Variants in TP53I13 observed in about 807,000 individuals in gnomAD.
The protein encoded by TP53I13 is tumor protein p53-inducible protein 13.
In TP53I13, 27 loss-of-function variants were observed where a neutral mutation model predicts 39.1. That is an observed-to-expected ratio of 0.69 (90% CI 0.51 to 0.95). The LOEUF (loss-of-function observed/expected upper bound fraction) is 0.95. TP53I13 is among the 40% of genes least tolerant of loss of function. TP53I13 has a pLI of 0.00. For synonymous variants in TP53I13, 230 were observed against 224.6 expected, an observed-to-expected ratio of 1.02 and a Z score of -0.22; for missense variants, 544 against 520.4, an observed-to-expected ratio of 1.05 and a Z score of -0.44.
chr17:29,575,210 A>C (rs2033146926), downstream of TP53I13: 1 of 1,542,330 alleles, frequency 6.5e-7, no homozygotes, highest in Admixed American at 1.8e-5. The surrounding 1 kb of genome is among the most constrained non-coding windows in gnomAD (Gnocchi z 5.5). Flanking sequence ...AGCAGAACCC[A>C]GGGCCCCTCA....
chr17:29,581,176 T>G, the TP53I13 span: 1 of 648,430 alleles, frequency 1.5e-6, no homozygotes, highest in Admixed American at 2.4e-5. The surrounding 1 kb of genome is among the most constrained non-coding windows in gnomAD (Gnocchi z 4.8). Flanking sequence ...TTTACCTGCC[T>G]TGGGGCCCAG....
At position 29,568,955 on chromosome 17, in the gene TP53I13, G is replaced by A; in HGVS notation, c.73-63G>A. The A allele has an allele frequency of 6.3e-7, 1 of 1,592,232 alleles. No homozygotes were observed. Among genetic ancestry groups the A allele is most frequent in the East Asian group, 2.3e-5 (1 of 44,184 alleles). ...GTTCTTCCGCTGGCGGGCTGGGCCT[G>A]GGGAGAGAGAGGGCAGGGCCTCGCC... On this transcript the variant is annotated intron_variant, in intron 1 of 6. Coordinates refer to ENST00000301057, the MANE Select transcript of TP53I13 (RefSeq NM_138349.4). This position sits in a 1 kb window ranked among gnomAD's most constrained non-coding sequence, Gnocchi z 4.5.
Position 29,572,971 on chromosome 17 carries a change from G to A in TP53I13, c.*47G>A, listed in dbSNP as rs2033023886. The A allele has an allele frequency of 7.4e-7, 1 of 1,348,814 alleles. No homozygotes were observed. Among genetic ancestry groups the A allele is most frequent in the African/African-American group, 1.5e-5 (1 of 64,930 alleles). 83.6% of individuals were successfully genotyped at this position (1,348,814 alleles called of 1,614,324 possible). A position where few individuals can be genotyped will look rare whatever the true frequency, so the allele number is the denominator to read the frequency against. On this transcript the variant is annotated 3_prime_UTR_variant, in exon 7 of 7. Transcript: ENST00000301057. ...GGCGTGCGGCTCCTCCCCGCGCCGCGAGGCCGCGACCTCTGCCACGTGGAC... is the reference window on the plus strand; with the variant it reads ...GGCGTGCGGCTCCTCCCCGCGCCGCAAGGCCGCGACCTCTGCCACGTGGAC...
upstream of TP53I13, chr17:29,567,066 C>T (rs572702582): frequency 1.9e-6 from 2 of 1,058,072 alleles, no homozygotes; most frequent in Non-Finnish European, 2.3e-6. This position sits in a 1 kb window ranked among gnomAD's most constrained non-coding sequence, Gnocchi z 6.6. Flanking sequence ...GGCGGCTGCC[C>T]AGGGCCCTCC....
At chr17:29,574,787 G>A, downstream of TP53I13, 3 of 1,613,016 alleles carry the variant, frequency 1.9e-6, no homozygotes, top group Non-Finnish European at 2.5e-6. Flanking sequence ...CACCTGCTGA[G>A]TCAGCAGCTG....
At chr17:29,566,857 G>T (rs1304733778), upstream of TP53I13, 25 of 1,509,756 alleles carry the variant, frequency 1.7e-5, no homozygotes, top group African/African-American at 2.9e-5. Flanking sequence ...CCCCGGCAGG[G>T]TCCTCTCTCC....
chr17:29,576,781 G>A (rs2033220941), downstream of TP53I13: 4 of 1,576,390 alleles, frequency 2.5e-6, no homozygotes, highest in East Asian at 2.3e-5. Context: ...TCAGGCCCCT[G>A]GGCTACAAGA....
At chr17:29,576,780 TG>T, downstream of TP53I13, 1 of 1,577,464 alleles carries the variant, frequency 6.3e-7, no homozygotes, top group Admixed American at 1.8e-5. Context: ...CTCAGGCCCC[TG>T]GGCTACAAGA....
At chr17:29,569,443 G>C (rs1191058297) in intron 3 of TP53I13, 84 bp downstream of exon 3, 2 of 1,374,246 alleles carry the variant, frequency 1.5e-6, no homozygotes, top group Non-Finnish European at 1.0e-6. Flanking sequence ...CTGTTCTGCT[G>C]ATCGGCCCCA....
chr17:29,577,205 T>G, downstream of TP53I13: 1 of 1,613,922 alleles, frequency 6.2e-7, no homozygotes, highest in East Asian at 2.2e-5. Flanking sequence ...ATGATCAAGG[T>G]GGCAAACTCT....
At chr17:29,572,111 G>C (rs781191186) in intron 5 of TP53I13, 31 bp from the exon 6 acceptor site, 2 of 1,610,672 alleles carry the variant, frequency 1.2e-6, no homozygotes, top group South Asian at 2.2e-5. Flanking sequence ...GAGAGGGGCA[G>C]CAGGGTGATT....
Position 29,572,713 on chromosome 17 carries a change from C to T in TP53I13, c.1069+16C>T. On this transcript the variant is annotated intron_variant, in intron 6 of 6. Transcript: ENST00000301057. ...ACAGTGGCTGGTGAGGAGTTCCCTC[C>T]CTACCCTACCCGAGGCCCCCGCCCC... 1.3e-6 allele frequency: 2 copies of T among 1,514,296 alleles called. No homozygotes were observed. The highest frequency in any genetic ancestry group is 1.8e-6 in the Non-Finnish European group (2 of 1,128,188). 93.8% of individuals were successfully genotyped at this position (1,514,296 alleles called of 1,614,324 possible).
At position 29,571,649 on chromosome 17, in the gene TP53I13, T is replaced by G; in HGVS notation, c.242T>G (p.Leu81Arg). The G allele has an allele frequency of 6.2e-7, 1 of 1,614,178 alleles. No individual in the cohort carries two copies. Among genetic ancestry groups the G allele is most frequent in the Non-Finnish European group, 8.5e-7 (1 of 1,180,024 alleles). ...GCCCATCCCTGGCTGAAGCTCCAGCTTGCCCTCCTGGCCTATGCTTGTATG... is the reference window on the plus strand; with the variant it reads ...GCCCATCCCTGGCTGAAGCTCCAGCGTGCCCTCCTGGCCTATGCTTGTATG... ...PCAHPWLKLQLALLAYACMAN... is the reference protein window; with the variant it reads ...PCAHPWLKLQRALLAYACMAN... The change falls in exon 4 of 7, where the codon CTT becomes CGT. Residue 81 changes from leucine (L) to arginine (R), a missense_variant. Coordinates refer to ENST00000301057, the MANE Select transcript of TP53I13 (RefSeq NM_138349.4).
chr17:29,578,420 T>G, the TP53I13 span: 1 of 1,541,630 alleles, frequency 6.5e-7, no homozygotes. Context: ...CGGCTCCCAG[T>G]GCCAAGGCCA....
At chr17:29,578,785 G>C in the TP53I13 span, 1 of 1,613,740 alleles carries the variant, frequency 6.2e-7, no homozygotes, top group Non-Finnish European at 8.5e-7. Flanking sequence ...CAAGGCTGAG[G>C]GCAGAGGGAG....
In TP53I13 at chr17:29,572,092, G is replaced by T. The variant is rs201515753; in HGVS notation, c.513+35G>T. On this transcript the variant is annotated intron_variant, in intron 5 of 6. Coordinates refer to ENST00000301057, the MANE Select transcript of TP53I13 (RefSeq NM_138349.4). The stretch of plus-strand genomic sequence containing the variant: ...GCTGGGCCCAGGCTTGTTGGCCCTC[G>T]GGTTCTCTGAGAGGGGCAGCAGGGT... The T allele has an allele frequency of 3.1e-6, 5 of 1,611,702 alleles. No homozygotes were observed. In the South Asian group the frequency reaches 3.3e-5, roughly 11 times the overall value.
At position 29,572,358 on chromosome 17, in the gene TP53I13, A is replaced by C; in HGVS notation, c.730A>C (p.Ser244Arg). The C allele has an allele frequency of 6.2e-7, 1 of 1,606,242 alleles. No individual in the cohort carries two copies. Among genetic ancestry groups the C allele is most frequent in the Non-Finnish European group, 8.5e-7 (1 of 1,174,732 alleles). Residue 244 changes from serine to arginine, a missense_variant, in exon 6 of 7, where the codon AGT becomes CGT. Ser to Arg is a moderately radical substitution (Grantham distance 110). Coordinates refer to ENST00000301057, the MANE Select transcript of TP53I13 (RefSeq NM_138349.4). ...CATGGCGGGAATCCCTGGTAGGGAGAGTAATGCCCCATCTGTGCCCACTGT... is the reference window on the plus strand; with the variant it reads ...CATGGCGGGAATCCCTGGTAGGGAGCGTAATGCCCCATCTGTGCCCACTGT... ...QSMAGIPGRE[S>R]NAPSVPTVSL...
chr17:29,576,262 AG>A, downstream of TP53I13: 1 of 1,610,124 alleles, frequency 6.2e-7, no homozygotes, highest in Non-Finnish European at 8.5e-7. Flanking sequence ...GCTCGTCCCC[AG>A]GGGGGCCCCC....
chr17:29,567,446 G>A (rs1212414445), upstream of TP53I13: 1 of 151,930 alleles, frequency 6.6e-6, no homozygotes, highest in African/African-American at 2.4e-5. This position sits in a 1 kb window ranked among gnomAD's most constrained non-coding sequence, Gnocchi z 6.6. Flanking sequence ...CCGGCTCCCG[G>A]GACCCCGTGG....
Sources: allele counts gnomAD v4.1 joint callset, GRCh38; gene constraint gnomAD v4.1.1; non-coding constraint Gnocchi (gnomAD v3.1); transcripts MANE v1.5; gene names NCBI Gene and HGNC (gene_info 2026-07-23, HGNC 2026-07-21).